EXOSC8: variants seen among roughly 807,000 people sequenced by gnomAD.
The protein encoded by EXOSC8 is exosome component 8, also known as exosome complex component RRP43.
In EXOSC8, 37 loss-of-function variants were observed where a neutral mutation model predicts 39.9. That is an observed-to-expected ratio of 0.93 (90% CI 0.71 to 1.22). The LOEUF is 1.22. Among genes scored for constraint, EXOSC8 ranks in the 50% most tolerant of loss-of-function variants. The pLI is 0.00. For synonymous variants in EXOSC8, 93 were observed against 109.5 expected (o/e 0.85, Z 0.94); for missense variants, 313 against 326.6 (o/e 0.96, Z 0.32).
intron 3 of EXOSC8, among the ~76,000 whole-genome samples, 180 bp from the exon 4 acceptor site, chr13:37,002,754 C>T (rs1461766094): frequency 6.6e-6 from 1 of 152,110 alleles, no homozygotes; most frequent in Non-Finnish European, 1.5e-5. Context: ...ATTATTTAAA[C>T]ACTAATTTAA....
chr13:37,009,396 C>T lies in EXOSC8; in HGVS notation c.*97C>T. 1.3e-6 allele frequency: 1 copy of T among 764,552 alleles called. No homozygotes were observed. 47.4% of individuals were successfully genotyped at this position (764,552 alleles called of 1,614,324 possible). A position where few individuals can be genotyped will look rare whatever the true frequency, so the allele number is the denominator to read the frequency against. On this transcript the variant is annotated 3_prime_UTR_variant, in exon 11 of 11. Coordinates refer to ENST00000389704, the MANE Select transcript of EXOSC8 (RefSeq NM_181503.3). ...TAAATAAATATCAAACTACATTCTT[C>T]TGAAAGATGTTTCTATTATTTCTTA...
rs771058109 is a variant in EXOSC8, at chr13:37,002,297, CAGG to C, written c.45_47del (p.Arg16del). 32 of 1,608,862 alleles carry C rather than the reference CAGG, an allele frequency of 2.0e-5. No individual in the cohort carries two copies. Among genetic ancestry groups the C allele is most frequent in the African/African-American group, 4.0e-5 (3 of 74,782 alleles). On this transcript the variant is annotated inframe_deletion, in exon 2 of 11. Transcript: ENST00000389704. ...GAACCGTGGAACCTCTGGAGTATTACAGGAGATTTCTGGTGAGTAAAGGTTATG... is the reference window on the plus strand; with the variant it reads ...GAACCGTGGAACCTCTGGAGTATTACAGATTTCTGGTGAGTAAAGGTTATG...
Position 37,000,832 on chromosome 13 carries a change from G to A in EXOSC8, c.17+10G>A, listed in dbSNP as rs2059094155. The A allele has an allele frequency of 6.4e-7, 1 of 1,565,944 alleles. No homozygotes were observed. The highest frequency in any genetic ancestry group is 1.2e-5 in the South Asian group (1 of 85,476). On this transcript the variant is annotated intron_variant, in intron 1 of 10. Coordinates refer to ENST00000389704, the MANE Select transcript of EXOSC8 (RefSeq NM_181503.3). ...TGGCGGCTGGGTTCAAGTGAGTGTT[G>A]GCGGGTGGCGGGTAGAGTTCTGTAC...
chr13:37,003,316 T>C (rs2138845078), intron 4 of EXOSC8: 1 of 310,534 alleles, frequency 3.2e-6, no homozygotes, highest in East Asian at 7.8e-5. Flanking sequence ...TGATGACATG[T>C]AATCTGTGTA....
chr13:37,009,493 G>T lies in EXOSC8; in HGVS notation c.*194G>T. The T allele has an allele frequency of 1.1e-6, 1 of 881,802 alleles. No individual in the cohort carries two copies. Among genetic ancestry groups the T allele is most frequent in the Non-Finnish European group, 1.7e-6 (1 of 573,890 alleles). The allele number at this position is 881,802 out of a possible 1,614,324, so 54.6% of individuals were successfully genotyped here. On this transcript the variant is annotated 3_prime_UTR_variant, in exon 11 of 11. Transcript: ENST00000389704. ...CAATGACTTAGGCAAACCAACCCTAGTTTGTTAAACCATTTCCCTGTTTTT... is the reference window on the plus strand; with the variant it reads ...CAATGACTTAGGCAAACCAACCCTATTTTGTTAAACCATTTCCCTGTTTTT...
chr13:37,005,917 C>T lies in EXOSC8; in HGVS notation c.239-3C>T. 9.3e-7 allele frequency: 1 copy of T among 1,078,350 alleles called. No homozygotes were observed. The highest frequency in any genetic ancestry group is 1.4e-6 in the Non-Finnish European group (1 of 723,560). The allele number at this position is 1,078,350 out of a possible 1,614,324, so 66.8% of individuals were successfully genotyped here. On this transcript the variant is annotated splice_polypyrimidine_tract_variant and splice_region_variant and intron_variant, in intron 5 of 10. Transcript: ENST00000389704. ...GTTCATAGCTGCAGAGTGTTTCTTT[C>T]AGTTCCTAATGTGGATCTACCACCC...
At chr13:37,008,864 A>G in intron 10 of EXOSC8, 29 bp downstream of exon 10, 1 of 1,408,082 alleles carries the variant, frequency 7.1e-7, no homozygotes, top group Non-Finnish European at 1.0e-6. Context: ...AGTCCTAAAC[A>G]TATGTAGATG....
intron 3 of EXOSC8, 84 bp downstream of exon 3, chr13:37,002,635 T>G: frequency 1.0e-6 from 1 of 959,892 alleles, no homozygotes; most frequent in Non-Finnish European, 1.6e-6. Context: ...TCACCCAAAT[T>G]CTTTGTCTAA....
In EXOSC8 at chr13:37,009,522, TA is replaced by T; in HGVS notation, c.*228del. The T allele has an allele frequency of 9.7e-7, 1 of 1,033,016 alleles. No individual in the cohort carries two copies. The highest frequency in any genetic ancestry group is 1.4e-6 in the Non-Finnish European group (1 of 693,422). 64.0% of individuals were successfully genotyped at this position (1,033,016 alleles called of 1,614,324 possible). ...GTTAAACCATTTCCCTGTTTTTATT[TA>T]AAAATGATAAGGTTGTGCTTCTGTA... On this transcript the variant is annotated 3_prime_UTR_variant, in exon 11 of 11. Transcript: ENST00000389704.
rs1214347638 is a variant in EXOSC8 at position 37,008,155 on chromosome 13, A to G, written c.586A>G (p.Thr196Ala). The G allele has an allele frequency of 3.8e-6, 6 of 1,599,042 alleles. No individual in the cohort carries two copies. In the South Asian group the frequency reaches 4.6e-5, roughly 12 times the overall value. The change falls in exon 9 of 11, where the codon ACT becomes GCT. Residue 196 changes from threonine to alanine, a missense_variant. By Grantham distance (58) the Thr-to-Ala change is moderately conservative. Transcript: ENST00000389704. Reference protein sequence around the residue: ...YLNIRTHPVATSFAVFDDTLL... With the variant: ...YLNIRTHPVAASFAVFDDTLL... Reference sequence around the variant, plus strand: ...GAATATTAGAACTCATCCAGTTGCAACTTCCTTTGCTGTGTTTGATGAGTA... The same window carrying G: ...GAATATTAGAACTCATCCAGTTGCAGCTTCCTTTGCTGTGTTTGATGAGTA...
rs749292488 is a variant in EXOSC8, at chr13:37,006,939, G to A, written c.391-36G>A. ...TAATAGCATGTTCTACCCATTAGAA[G>A]ACTTTAATTTCCTTTTGTGTTTAAT... On this transcript the variant is annotated intron_variant, in intron 7 of 10. Coordinates refer to ENST00000389704, the MANE Select transcript of EXOSC8 (RefSeq NM_181503.3). 4 of 1,294,720 alleles carry A rather than the reference G, an allele frequency of 3.1e-6. No homozygotes were observed. In the South Asian group the frequency reaches 4.7e-5, roughly 15 times the overall value. 80.2% of individuals were successfully genotyped at this position (1,294,720 alleles called of 1,614,324 possible). A position where few individuals can be genotyped will look rare whatever the true frequency, so the allele number is the denominator to read the frequency against.
intron 10 of EXOSC8, 126 bp from the exon 11 acceptor site, chr13:37,009,058 A>G: frequency 1.4e-6 from 1 of 718,740 alleles, no homozygotes; most frequent in Non-Finnish European, 2.4e-6. Flanking sequence ...ACTAACTTGT[A>G]GATCTTGAGA....
In EXOSC8 at chr13:37,005,105, C is replaced by G. The variant is rs193125824; in HGVS notation, c.238+544C>G. Among the ~76,000 whole-genome samples the G allele has an allele frequency of 5.3e-5, 8 of 152,010 alleles. No individual in the cohort carries two copies. In the East Asian group the frequency reaches 1.5e-3, roughly 29 times the overall value. On this transcript the variant is annotated intron_variant, in intron 5 of 10. Coordinates refer to ENST00000389704, the MANE Select transcript of EXOSC8 (RefSeq NM_181503.3). ...TCAAGCCTGAGTGACAGAGTGAAACCCTGTTTCAAAAGAAAAAAAAAATAG... is the reference window on the plus strand; with the variant it reads ...TCAAGCCTGAGTGACAGAGTGAAACGCTGTTTCAAAAGAAAAAAAAAATAG...
intron 4 of EXOSC8, 117 bp from the exon 5 acceptor site, chr13:37,004,398 GC>G (rs1385144773): frequency 3.2e-5 from 22 of 686,842 alleles, no homozygotes; most frequent in Non-Finnish European, 5.4e-5. Flanking sequence ...GTCCGTAGAG[GC>G]CCTGACACAA....
At chr13:37,007,974 GA>G in intron 8 of EXOSC8, 82 bp from the exon 9 acceptor site, 1 of 1,023,770 alleles carries the variant, frequency 9.8e-7, no homozygotes, top group Non-Finnish European at 1.5e-6. Context: ...TAAATAGAGG[GA>G]AAGGTGAATT....
rs199610246 is a variant in EXOSC8 at position 37,006,103 on chromosome 13, C to T, written c.345-12C>T. 1.1e-4 allele frequency: 176 copies of T among 1,607,994 alleles called. No homozygotes were observed. Among genetic ancestry groups the T allele is most frequent in the Admixed American group, 5.0e-4 (30 of 59,828 alleles). ...GCTTTTCATTTACTTTGCTCTTTGTCATTAAATCAAGTTCACAGATAATTC... is the reference window on the plus strand; with the variant it reads ...GCTTTTCATTTACTTTGCTCTTTGTTATTAAATCAAGTTCACAGATAATTC... On this transcript the variant is annotated splice_polypyrimidine_tract_variant and intron_variant, in intron 6 of 10. Transcript: ENST00000389704.
At position 37,009,356 on chromosome 13, in the gene EXOSC8, A is replaced by G; in HGVS notation, c.*57A>G. 1.0e-6 allele frequency: 1 copy of G among 981,994 alleles called. No homozygotes were observed. The highest frequency in any genetic ancestry group is 1.6e-6 in the Non-Finnish European group (1 of 633,758). 60.8% of individuals were successfully genotyped at this position (981,994 alleles called of 1,614,324 possible). On this transcript the variant is annotated 3_prime_UTR_variant, in exon 11 of 11. Transcript: ENST00000389704. ...AAAATTGTATTTGTTAACACTGTGCACAAACGTTTTATACTAAATAAATAT... is the reference window on the plus strand; with the variant it reads ...AAAATTGTATTTGTTAACACTGTGCGCAAACGTTTTATACTAAATAAATAT...
chr13:37,005,043 G>T (rs921328245), intron 5 of EXOSC8, among the ~76,000 whole-genome samples: 5 of 152,194 alleles, frequency 3.3e-5, no homozygotes, highest in African/African-American at 1.2e-4. Flanking sequence ...AGCCTGGGAG[G>T]TTGAGGCTAC....
At chr13:37,001,214 G>C (rs1183203159) in intron 1 of EXOSC8, among the ~76,000 whole-genome samples, 2 of 152,168 alleles carry the variant, frequency 1.3e-5, no homozygotes, top group Non-Finnish European at 2.9e-5. Context: ...TTCGAGACCA[G>C]CCTGGTGTAC....
Sources: gnomAD v4.1 joint callset for allele counts (sites outside exome capture counted in the v4.1 genomes callset) on GRCh38, gnomAD v4.1.1 for gene constraint, MANE v1.5 for transcripts, NCBI Gene and HGNC (gene_info 2026-07-23, HGNC 2026-07-21) for gene names.